Variants in ZNF280A observed in about 807,000 individuals in gnomAD.
The protein encoded by ZNF280A is zinc finger protein 280A.
In ZNF280A, 26 loss-of-function variants were observed where a neutral mutation model predicts 35.9. The ratio of observed to expected loss-of-function variants is 0.72; its 90% CI spans 0.53 to 1.01. The LOEUF (loss-of-function observed/expected upper bound fraction) is 1.01. Among genes scored for constraint, ZNF280A ranks in the 50% least tolerant of loss-of-function variants. ZNF280A has a pLI of 0.00. For missense variants in ZNF280A, 654 were observed against 652.0 expected (o/e 1.00, Z -0.03); for synonymous variants, 231 against 232.9 (o/e 0.99, Z 0.07).
At chr22:22,519,713 A>AGTC (rs1418188813) in intron 1 of ZNF280A, among the ~76,000 whole-genome samples, 2 of 151,920 alleles carry the variant, frequency 1.3e-5, no homozygotes, top group Non-Finnish European at 2.9e-5. Flanking sequence ...CCACCAGGAC[A>AGTC]GTCACTCTGA....
rs755270046 is a variant in ZNF280A at position 22,514,121 on chromosome 22, C to T, written c.1510G>A (p.Gly504Ser). ...TTGCTAACAATAACGGAAGCCATACCACTTGATCCTGGCTGAACTGAAGTT... is the reference window on the plus strand; with the variant it reads ...TTGCTAACAATAACGGAAGCCATACTACTTGATCCTGGCTGAACTGAAGTT... ...IQTSVQPGSS[G>S]MASVIVSNTD... Residue 504 changes from glycine (G) to serine (S), a missense_variant, in exon 2 of 2, where the codon GGT becomes AGT. Gly to Ser is a moderately conservative substitution (Grantham distance 56, BLOSUM62 0). Transcript: ENST00000302097. 1 of 1,613,898 alleles carries T rather than the reference C, an allele frequency of 6.2e-7. No homozygotes were observed. Among genetic ancestry groups the T allele is most frequent in the Admixed American group, 1.7e-5 (1 of 60,006 alleles).
rs748283243 is a variant in ZNF280A, at chr22:22,514,546, G to T, written c.1085C>A (p.Pro362His). The T allele has an allele frequency of 6.2e-7, 1 of 1,613,908 alleles. No individual in the cohort carries two copies. The highest frequency in any genetic ancestry group is 8.5e-7 in the Non-Finnish European group (1 of 1,179,994). Reference protein sequence around the residue: ...HIDSVHIAMGPSAVCKICELS... With the variant: ...HIDSVHIAMGHSAVCKICELS... ...TTCACAGATTTTACAGACAGCAGAG[G>T]GCCCCATGGCGATGTGTACACTATC... Residue 362 changes from proline (P) to histidine (H), a missense_variant, in exon 2 of 2, where the codon CCC (proline) becomes CAC (histidine). Coordinates refer to ENST00000302097, the MANE Select transcript of ZNF280A (RefSeq NM_080740.5).
At chr22:22,516,297 G>GCACACACACACACA (rs587603341) in intron 1 of ZNF280A, among the ~76,000 whole-genome samples, 1 of 149,018 alleles carries the variant, frequency 6.7e-6, no homozygotes. Flanking sequence ...ACAAATCACA[G>GCACACACACACACA]CACACACACA....
chr22:22,519,305 C>G (rs934151817), intron 1 of ZNF280A, among the ~76,000 whole-genome samples: 1 of 151,664 alleles, frequency 6.6e-6, no homozygotes, highest in South Asian at 2.1e-4. Flanking sequence ...GAGTGGCGAG[C>G]ACCTGTAATC....
chr22:22,516,716 C>T (rs1186942440), intron 1 of ZNF280A, among the ~76,000 whole-genome samples: 3 of 151,970 alleles, frequency 2.0e-5, no homozygotes, highest in Admixed American at 1.3e-4. Flanking sequence ...AGGTCATCAT[C>T]GCCCTTGCTA....
intron 1 of ZNF280A, among the ~76,000 whole-genome samples, chr22:22,518,176 C>T (rs1446059266): frequency 1.1e-4 from 16 of 151,732 alleles, no homozygotes; most frequent in Admixed American, 7.9e-4. Flanking sequence ...CCGCCCGCCT[C>T]GGCCTCCCAA....
chr22:22,514,721 C>G lies in ZNF280A; in HGVS notation c.910G>C (p.Val304Leu). 1 of 1,613,910 alleles carries G rather than the reference C, an allele frequency of 6.2e-7. No individual in the cohort carries two copies. Among genetic ancestry groups the G allele is most frequent in the Non-Finnish European group, 8.5e-7 (1 of 1,179,980 alleles). Residue 304 changes from valine (V) to leucine (L), a missense_variant, in exon 2 of 2, where the codon GTG becomes CTG. Physicochemically the swap from Val to Leu is conservative, Grantham distance 32 (BLOSUM62 1). Coordinates refer to ENST00000302097, the MANE Select transcript of ZNF280A (RefSeq NM_080740.5). ...AACTTAATATTTTTTAGAACTTTCA[C>G]GCAGCTGAGGCATTTAAAGGTGGTG... ...THTTFKCLSC[V>L]KVLKNIKFMN...
Position 22,515,582 on chromosome 22 carries a change from A to C in ZNF280A, c.49T>G (p.Leu17Val). ...TCCTCCCTTTGTTTGGATTCTCTCA[A>C]ATTCTTCTTTGGTGATTCCACTTTC... ...CKKVESPKKN[L>V]RESKQREEDD... is the part of the protein sequence containing the mutation. The change falls in exon 2 of 2, where the codon TTG (leucine) becomes GTG (valine). Residue 17 changes from leucine to valine, a missense_variant. Leu to Val is a conservative substitution (Grantham distance 32, BLOSUM62 1). Coordinates refer to ENST00000302097, the MANE Select transcript of ZNF280A (RefSeq NM_080740.5). The C allele has an allele frequency of 2.5e-6, 4 of 1,606,102 alleles. No homozygotes were observed. The highest frequency in any genetic ancestry group is 3.4e-6 in the Non-Finnish European group (4 of 1,178,090).
At chr22:22,516,620 A>C (rs753176324) in intron 1 of ZNF280A, among the ~76,000 whole-genome samples, 3 of 151,822 alleles carry the variant, frequency 2.0e-5, no homozygotes, top group Non-Finnish European at 4.4e-5. Context: ...CAGGGGAGCA[A>C]GTATATTTCG....
chr22:22,519,564 A>G (rs1307088743), intron 1 of ZNF280A, among the ~76,000 whole-genome samples: 1 of 151,938 alleles, frequency 6.6e-6, no homozygotes, highest in East Asian at 1.9e-4. Context: ...TATGTTAAAA[A>G]CTTTCCCATT....
Position 22,518,425 on chromosome 22 carries a change from T to C in ZNF280A, c.-72+1664A>G, listed in dbSNP as rs548793543. Among the ~76,000 whole-genome samples the C allele has an allele frequency of 1.4e-4, 21 of 152,076 alleles. 1 individual carries two copies. The South Asian group carries it at 1.5e-3, about 11-fold the overall frequency. ...GAATGTTTCTTACATTTTTAAGGTA[T>C]TGTTTTCTTACTTTTTTTTTATTAA... On this transcript the variant is annotated intron_variant, in intron 1 of 1. Coordinates refer to ENST00000302097, the MANE Select transcript of ZNF280A (RefSeq NM_080740.5).
Position 22,514,126 on chromosome 22 carries a change from G to C in ZNF280A, c.1505C>G (p.Ser502Ter), listed in dbSNP as rs1364571986. Residue 502 changes from serine (S) to a stop codon, truncating the protein, a stop_gained, in exon 2 of 2, where the codon TCA (serine) becomes TGA (stop). Transcript: ENST00000302097. LOFTEE classifies it high-confidence loss of function. ...VIIQTSVQPG[S>*]SGMASVIVSN... The stretch of plus-strand genomic sequence containing the variant: ...AACAATAACGGAAGCCATACCACTT[G>C]ATCCTGGCTGAACTGAAGTTTGAAT... The C allele has an allele frequency of 6.2e-7, 1 of 1,613,950 alleles. No individual in the cohort carries two copies.
chr22:22,519,849 C>T (rs781277223), intron 1 of ZNF280A, among the ~76,000 whole-genome samples: 7 of 151,958 alleles, frequency 4.6e-5, no homozygotes, highest in Non-Finnish European at 8.8e-5. Context: ...TCACACTACT[C>T]AGAAGGGCTG....
chr22:22,515,760 TA>T, intron 1 of ZNF280A, 59 bp from the exon 2 acceptor site: 1 of 1,402,398 alleles, frequency 7.1e-7, no homozygotes, highest in Non-Finnish European at 9.4e-7. Flanking sequence ...ATCATTACTT[TA>T]TTGTATCCTC....
chr22:22,517,679 C>T (rs1569196562), intron 1 of ZNF280A, among the ~76,000 whole-genome samples: 1 of 151,884 alleles, frequency 6.6e-6, no homozygotes, highest in African/African-American at 2.4e-5. Flanking sequence ...AATCAGATTG[C>T]ATCTCATCAT....
Position 22,515,304 on chromosome 22 carries a change from T to G in ZNF280A, c.327A>C (p.Arg109=), listed in dbSNP as rs1172942030. ...TCATAGTGACAGGACTATCTGTCGA[T>G]CGCCCCTCAGACAGAGAAACCGGCA... The part of the protein sequence containing the change: ...AIMPVSLSEG[R]STDSPVTMKS... Residue 109 remains arginine, a synonymous_variant, in exon 2 of 2, where the codon CGA becomes CGC. Coordinates refer to ENST00000302097, the MANE Select transcript of ZNF280A (RefSeq NM_080740.5). The G allele has an allele frequency of 1.9e-6, 3 of 1,613,756 alleles. No homozygotes were observed. The East Asian group carries it at 6.7e-5, about 36-fold the overall frequency.
At chr22:22,518,027 G>A (rs1159141017) in intron 1 of ZNF280A, among the ~76,000 whole-genome samples, 7 of 151,144 alleles carry the variant, frequency 4.6e-5, no homozygotes, top group Admixed American at 3.3e-4. Context: ...CGGGGTTCAC[G>A]CCATTCTCCT....
At chr22:22,517,200 A>T (rs113965397) in intron 1 of ZNF280A, among the ~76,000 whole-genome samples, 35 of 151,854 alleles carry the variant, frequency 2.3e-4, no homozygotes, top group African/African-American at 8.0e-4. Flanking sequence ...TGAGGTCAGG[A>T]GCTCGAGACC....
chr22:22,515,750 A>G, intron 1 of ZNF280A, 49 bp from the exon 2 acceptor site: 1 of 1,450,366 alleles, frequency 6.9e-7, no homozygotes, highest in Non-Finnish European at 9.1e-7. Flanking sequence ...GAAAGACAAA[A>G]TCATTACTTT....
Sources: allele counts gnomAD v4.1 joint callset (sites outside exome capture counted in the v4.1 genomes callset), GRCh38; gene constraint gnomAD v4.1.1; transcripts MANE v1.5; gene names NCBI Gene and HGNC (gene_info 2026-07-23, HGNC 2026-07-21).